Variants in UNC5D observed in about 807,000 individuals in gnomAD.
The protein encoded by UNC5D is unc-5 netrin receptor D.
UNC5D carries 39 observed loss-of-function variants against 105.4 expected under a neutral mutation model. The ratio of observed to expected loss-of-function variants is 0.37; its 90% CI spans 0.29 to 0.48. The LOEUF (loss-of-function observed/expected upper bound fraction) is 0.48, where lower values mean the gene tolerates loss of function less well. UNC5D is among the 20% of genes least tolerant of loss of function. UNC5D has a pLI of 0.98. For missense variants in UNC5D, 991 were observed against 1,202.4 expected, an observed-to-expected ratio of 0.82 and a Z score of 2.60; for synonymous variants, 452 against 450.4, an observed-to-expected ratio of 1.00 and a Z score of -0.04.
rs192050366 is a variant in UNC5D at position 35,763,526 on chromosome 8, C to G, written c.2314-3376C>G. 6.1e-5 allele frequency among the ~76,000 whole-genome samples: 9 copies of G among 148,750 alleles called. No individual in the cohort carries two copies. The East Asian group carries it at 1.8e-3, about 30-fold the overall frequency. On this transcript the variant is annotated intron_variant, in intron 14 of 16. Transcript: ENST00000404895. Reference sequence around the variant, plus strand: ...CAGAAAATGTACATTTGCTTAAGAGCTGGATCTTGAGTACGGTTCTTTGTC... The same window carrying G: ...CAGAAAATGTACATTTGCTTAAGAGGTGGATCTTGAGTACGGTTCTTTGTC...
intron 1 of UNC5D, among the ~76,000 whole-genome samples, chr8:35,413,739 C>T (rs1805349274): frequency 6.6e-6 from 1 of 152,040 alleles, no homozygotes; most frequent in Non-Finnish European, 1.5e-5. Flanking sequence ...TCATAAATGC[C>T]ATGTACAAGT....
At chr8:35,620,750 T>C (rs1321857935) in intron 4 of UNC5D, among the ~76,000 whole-genome samples, 1 of 152,194 alleles carries the variant, frequency 6.6e-6, no homozygotes, top group Non-Finnish European at 1.5e-5. Context: ...CTCTTATTAT[T>C]GGGCTTTCAT....
intron 16 of UNC5D, among the ~76,000 whole-genome samples, chr8:35,788,405 A>T (rs547737003): frequency 6.6e-6 from 1 of 152,266 alleles, no homozygotes; most frequent in South Asian, 2.1e-4. Flanking sequence ...ACCAGAGATG[A>T]CATTTCTATC....
intron 8 of UNC5D, among the ~76,000 whole-genome samples, chr8:35,716,640 T>C (rs1449478630): frequency 1.3e-5 from 2 of 152,226 alleles, no homozygotes; most frequent in Non-Finnish European, 2.9e-5. Flanking sequence ...CTAAGTGCTT[T>C]TTAAGATATA....
chr8:35,620,106 G>A (rs1177401362), intron 4 of UNC5D, among the ~76,000 whole-genome samples: 1 of 152,138 alleles, frequency 6.6e-6, no homozygotes, highest in African/African-American at 2.4e-5. Context: ...AGATGTCCCT[G>A]CACCATCCCT....
At chr8:35,318,772 T>C (rs1277805817) in intron 1 of UNC5D, among the ~76,000 whole-genome samples, 2 of 152,092 alleles carry the variant, frequency 1.3e-5, no homozygotes. Flanking sequence ...TGTGTTTCAC[T>C]GAGCATATGG....
chr8:35,735,654 G>A (rs1284288354), intron 11 of UNC5D, among the ~76,000 whole-genome samples: 2 of 152,168 alleles, frequency 1.3e-5, no homozygotes. Context: ...AGGCTAGAAA[G>A]GCAAAAAGAA....
At chr8:35,777,349 C>T (rs2131752778) in intron 16 of UNC5D, among the ~76,000 whole-genome samples, 1 of 152,304 alleles carries the variant, frequency 6.6e-6, no homozygotes, top group Non-Finnish European at 1.5e-5. Flanking sequence ...TTTGAGGCTG[C>T]AGTGAGCTAT....
chr8:35,749,105 A>G (rs548960413), intron 12 of UNC5D, among the ~76,000 whole-genome samples: 1 of 152,278 alleles, frequency 6.6e-6, no homozygotes, highest in South Asian at 2.1e-4. Flanking sequence ...GTTTTTTTCC[A>G]TCCTGGGGAT....
chr8:35,735,272 C>T (rs1027782712), intron 11 of UNC5D, among the ~76,000 whole-genome samples: 1 of 137,134 alleles, frequency 7.3e-6, no homozygotes, highest in African/African-American at 2.6e-5. Context: ...GAGGAGAGAA[C>T]TGGACCAGAA....
chr8:35,645,468 A>G (rs976068954), intron 4 of UNC5D, among the ~76,000 whole-genome samples: 1 of 151,990 alleles, frequency 6.6e-6, no homozygotes, highest in African/African-American at 2.4e-5. Context: ...ACTGCATACA[A>G]ATAATAAGAT....
intron 3 of UNC5D, among the ~76,000 whole-genome samples, chr8:35,570,635 T>G (rs1817653063): frequency 6.6e-6 from 1 of 151,980 alleles, no homozygotes; most frequent in South Asian, 2.1e-4. Flanking sequence ...CTCCCAGGCA[T>G]GAGAGAATAA....
At chr8:35,652,915 ATTTTTT>A (rs34611902) in intron 4 of UNC5D, among the ~76,000 whole-genome samples, 4 of 49,144 alleles carry the variant, frequency 8.1e-5, no homozygotes, top group Non-Finnish European at 1.5e-4. Flanking sequence ...ACAAGTGAGG[ATTTTTT>A]TTTTTTTTTT....
At chr8:35,345,015 G>A (rs531164372) in intron 1 of UNC5D, among the ~76,000 whole-genome samples, 19 of 152,102 alleles carry the variant, frequency 1.2e-4, no homozygotes, top group African/African-American at 3.6e-4. Context: ...TGGGTTTGCT[G>A]TAGTAAATGC....
chr8:35,487,541 ATC>A (rs914853411), intron 1 of UNC5D, among the ~76,000 whole-genome samples: 8 of 147,488 alleles, frequency 5.4e-5, no homozygotes, highest in African/African-American at 2.1e-4. Flanking sequence ...CTTAAAATCA[ATC>A]TCTCTGTCTC....
intron 1 of UNC5D, among the ~76,000 whole-genome samples, chr8:35,380,091 G>GGT (rs1554519178): frequency 1.7e-4 from 18 of 108,688 alleles, no homozygotes; most frequent in Non-Finnish European, 2.3e-4. Flanking sequence ...TGGGGGTGGG[G>GGT]GGGGGGTCGG....
At chr8:35,776,595 A>C (rs1480145967) in intron 16 of UNC5D, among the ~76,000 whole-genome samples, 1 of 152,120 alleles carries the variant, frequency 6.6e-6, no homozygotes, top group Non-Finnish European at 1.5e-5. Flanking sequence ...GGGGCCATAA[A>C]ACCTGAGTGC....
chr8:35,261,121 T>C (rs984800252), intron 1 of UNC5D, among the ~76,000 whole-genome samples: 13 of 152,174 alleles, frequency 8.5e-5, no homozygotes, highest in Non-Finnish European at 1.8e-4. Context: ...GAGAAGCAAT[T>C]AATTGTGAAA....
At chr8:35,284,560 T>A (rs1329410348) in intron 1 of UNC5D, among the ~76,000 whole-genome samples, 1 of 152,142 alleles carries the variant, frequency 6.6e-6, no homozygotes, top group Non-Finnish European at 1.5e-5. Flanking sequence ...GTTTCTTTTC[T>A]TTTCTTTTCT....
Sources: allele counts gnomAD v4.1 joint callset (sites outside exome capture counted in the v4.1 genomes callset), GRCh38; gene constraint gnomAD v4.1.1; transcripts MANE v1.5; gene names NCBI Gene and HGNC (gene_info 2026-07-23, HGNC 2026-07-21).